The following BAZ2B variants were observed in gnomAD, a reference collection of about 807,000 sequenced individuals.
BAZ2B encodes the protein bromodomain adjacent to zinc finger domain protein 2B.
In BAZ2B, 91 loss-of-function variants were observed where a neutral mutation model predicts 246.0. The observed-to-expected ratio is 0.37, with a 90% CI of 0.31 to 0.44. The LOEUF (loss-of-function observed/expected upper bound fraction) is 0.44, where lower values mean the gene tolerates loss of function less well. BAZ2B is among the 20% of genes least tolerant of loss of function. The pLI is 1.00. For missense variants in BAZ2B, 2,332 were observed against 2,533.7 expected (o/e 0.92, Z 1.71); for synonymous variants, 855 against 860.0 (o/e 0.99, Z 0.10).
At chr2:159,670,103 C>T in the BAZ2B span, among the ~76,000 whole-genome samples, 4 of 151,676 alleles carry the variant, frequency 2.6e-5, no homozygotes, top group African/African-American at 9.7e-5. Flanking sequence ...CCCAAGTAGC[C>T]GCGACTACAG....
intron 2 of BAZ2B, among the ~76,000 whole-genome samples, chr2:159,524,514 G>A (rs1285767935): frequency 6.6e-6 from 1 of 152,050 alleles, no homozygotes; most frequent in African/African-American, 2.4e-5. Context: ...TTTTGGGGTA[G>A]AGGAGGTACC....
At chr2:159,415,168 C>T (rs910496865) in intron 13 of BAZ2B, among the ~76,000 whole-genome samples, 1 of 152,082 alleles carries the variant, frequency 6.6e-6, no homozygotes, top group African/African-American at 2.4e-5. Flanking sequence ...TATCTGCGGC[C>T]GGGCTCAGTG....
chr2:159,480,183 T>C (rs915998680), intron 2 of BAZ2B, among the ~76,000 whole-genome samples: 3 of 152,090 alleles, frequency 2.0e-5, no homozygotes, highest in African/African-American at 7.2e-5. Flanking sequence ...GAAAAAGCTA[T>C]TTTTTCTTTA....
At chr2:159,707,217 C>G in the BAZ2B span, among the ~76,000 whole-genome samples, 1 of 151,924 alleles carries the variant, frequency 6.6e-6, no homozygotes. Context: ...CTACATTTGG[C>G]CCATGTACCA....
At chr2:159,376,518 C>A (rs1358655869) in intron 25 of BAZ2B, among the ~76,000 whole-genome samples, 1 of 152,144 alleles carries the variant, frequency 6.6e-6, no homozygotes, top group Non-Finnish European at 1.5e-5. Flanking sequence ...TTTGTGCTAA[C>A]AGTAACATGA....
intron 2 of BAZ2B, among the ~76,000 whole-genome samples, chr2:159,541,274 A>G (rs921259004): frequency 8.6e-5 from 13 of 151,042 alleles, no homozygotes; most frequent in Middle Eastern, 6.9e-3. Context: ...TATTATTATT[A>G]TTATTATTAT....
At chr2:159,599,004 AG>A (rs1178799408) in intron 1 of BAZ2B, among the ~76,000 whole-genome samples, 4 of 151,990 alleles carry the variant, frequency 2.6e-5, no homozygotes, top group Non-Finnish European at 5.9e-5. Context: ...GCACTTTGGG[AG>A]GCCAGGGAGG....
the BAZ2B span, among the ~76,000 whole-genome samples, chr2:159,677,192 A>G: frequency 6.6e-6 from 1 of 151,438 alleles, no homozygotes; most frequent in East Asian, 1.9e-4. Context: ...AAAATTCTCA[A>G]GAAAAAATTT....
intron 1 of BAZ2B, among the ~76,000 whole-genome samples, chr2:159,572,413 T>C (rs1361179671): frequency 6.6e-6 from 1 of 152,134 alleles, no homozygotes; most frequent in African/African-American, 2.4e-5. Flanking sequence ...GACCTTAAAC[T>C]GTGGGGTCTA....
intron 2 of BAZ2B, among the ~76,000 whole-genome samples, chr2:159,497,484 C>A (rs959907968): frequency 6.6e-6 from 1 of 152,168 alleles, no homozygotes; most frequent in African/African-American, 2.4e-5. Context: ...TGGTCCCATT[C>A]CTGTGGTCAA....
intron 34 of BAZ2B, among the ~76,000 whole-genome samples, chr2:159,330,636 A>ACC (rs2064577366): frequency 2.0e-5 from 3 of 151,920 alleles, no homozygotes; most frequent in Admixed American, 1.3e-4. Context: ...TAGTGCGAGG[A>ACC]TCAGCTGAGC....
chr2:159,590,897 G>C (rs1439084081), intron 1 of BAZ2B, among the ~76,000 whole-genome samples: 1 of 152,054 alleles, frequency 6.6e-6, no homozygotes, highest in African/African-American at 2.4e-5. Flanking sequence ...CTAGCCTTTA[G>C]GAATCATTTT....
intron 11 of BAZ2B, among the ~76,000 whole-genome samples, chr2:159,428,678 C>T (rs1170135092): frequency 6.6e-6 from 1 of 152,070 alleles, no homozygotes; most frequent in Non-Finnish European, 1.5e-5. Context: ...TTTGGGTACT[C>T]TGACATTTCA....
chr2:159,497,864 T>G (rs1249799751), intron 2 of BAZ2B, among the ~76,000 whole-genome samples: 1 of 152,206 alleles, frequency 6.6e-6, no homozygotes, highest in African/African-American at 2.4e-5. Context: ...CTTACACCAC[T>G]GAGACATATT....
At chr2:159,703,494 CA>C in the BAZ2B span, among the ~76,000 whole-genome samples, 141,921 of 151,866 alleles carry the variant, frequency 0.93, 66,437 homozygotes, top group African/African-American at 0.97. Flanking sequence ...CTACCCCCCG[CA>C]AAAAAAAAGC....
At chr2:159,502,453 C>T (rs576971569) in intron 2 of BAZ2B, among the ~76,000 whole-genome samples, 2 of 142,316 alleles carry the variant, frequency 1.4e-5, no homozygotes, top group South Asian at 2.3e-4. Flanking sequence ...GGCAAGACTC[C>T]GTCTCTCAAA....
chr2:159,581,780 G>C (rs1686850866), intron 1 of BAZ2B, among the ~76,000 whole-genome samples: 1 of 151,988 alleles, frequency 6.6e-6, no homozygotes, highest in Non-Finnish European at 1.5e-5. Context: ...TAGGGATATG[G>C]ATGAAGCTGG....
chr2:159,622,343 GA>G, the BAZ2B span, among the ~76,000 whole-genome samples: 2 of 150,978 alleles, frequency 1.3e-5, no homozygotes, highest in African/African-American at 4.9e-5. Flanking sequence ...GATAAACTTG[GA>G]TCTGCTCCAA....
At chr2:159,315,736 A>T (rs1335889358), downstream of BAZ2B, among the ~76,000 whole-genome samples, 4 of 152,346 alleles carry the variant, frequency 2.6e-5, no homozygotes, top group Admixed American at 2.0e-4. Context: ...CATGGGCATG[A>T]ATACTAGAAG....
Sources: gnomAD v4.1 joint callset for allele counts (sites outside exome capture counted in the v4.1 genomes callset) on GRCh38, gnomAD v4.1.1 for gene constraint, MANE v1.5 for transcripts, NCBI Gene and HGNC (gene_info 2026-07-23, HGNC 2026-07-21) for gene names.